Variants in DENND4C observed in about 807,000 individuals in gnomAD.
The protein encoded by DENND4C is DENN domain containing 4C.
A neutral mutation model predicts 203.0 loss-of-function variants in DENND4C; 108 were observed. The observed-to-expected ratio is 0.53, with a 90% CI of 0.46 to 0.62. DENND4C has a LOEUF of 0.62. Among genes scored for constraint, DENND4C ranks in the 20% least tolerant of loss-of-function variants. The pLI, the probability that DENND4C is intolerant of heterozygous loss-of-function variation, is 0.00. For missense variants in DENND4C, 2,481 were observed against 2,301.2 expected, an observed-to-expected ratio of 1.08 and a Z score of -1.60; for synonymous variants, 871 against 792.4, an observed-to-expected ratio of 1.10 and a Z score of -1.67.
At chr9:19,287,677 A>T (rs1835464107) in intron 3 of DENND4C, among the ~76,000 whole-genome samples, 1 of 151,538 alleles carries the variant, frequency 6.6e-6, no homozygotes, top group South Asian at 2.1e-4. Context: ...GGTCTCCTTA[A>T]GTTGCCCAGG....
rs1019634963 is a variant in DENND4C, at chr9:19,360,501, A to G, written c.5406+12A>G. 3 of 1,613,926 alleles carry G rather than the reference A, an allele frequency of 1.9e-6. No homozygotes were observed. The highest frequency in any genetic ancestry group is 1.3e-5 in the African/African-American group (1 of 75,028). Reference sequence around the variant, plus strand: ...ATGAAGGTGTACAGGTAGGGTGCCAACTTTTATACTTACATTAGTATTCAG... The same window carrying G: ...ATGAAGGTGTACAGGTAGGGTGCCAGCTTTTATACTTACATTAGTATTCAG... On this transcript the variant is annotated intron_variant, in intron 29 of 32. Transcript: ENST00000434457.
chr9:19,285,228 C>A (rs958148466), intron 2 of DENND4C, among the ~76,000 whole-genome samples: 2 of 152,066 alleles, frequency 1.3e-5, no homozygotes, highest in African/African-American at 4.8e-5. Context: ...CACTTCCTTG[C>A]TAATACTCTC....
rs141095121 is a variant in DENND4C at position 19,243,491 on chromosome 9, C to T, written c.-18+12658C>T. Among the ~76,000 whole-genome samples the T allele has an allele frequency of 1.5e-3, 221 of 152,234 alleles. 3 individuals are homozygous for T. The highest frequency in any genetic ancestry group is 6.8e-3 in the Middle Eastern group (2 of 294). ...ACGTTTTCATCATCCTAAAAGGAAACGCTGTACCCGTTAAGCAGTCTCTCC... is the reference window on the plus strand; with the variant it reads ...ACGTTTTCATCATCCTAAAAGGAAATGCTGTACCCGTTAAGCAGTCTCTCC... On this transcript the variant is annotated intron_variant, in intron 1 of 32. Transcript: ENST00000434457.
chr9:19,300,454 A>C (rs562595076), intron 9 of DENND4C, 123 bp downstream of exon 9: 1 of 958,500 alleles, frequency 1.0e-6, no homozygotes, highest in Admixed American at 3.5e-5. Context: ...AACTTTGAAA[A>C]ATTTCCAGCC....
At chr9:19,268,073 G>A (rs1321801890) in intron 1 of DENND4C, among the ~76,000 whole-genome samples, 1 of 150,064 alleles carries the variant, frequency 6.7e-6, no homozygotes, top group African/African-American at 2.4e-5. Flanking sequence ...TGCCTTTTAT[G>A]TTTTGTGTAT....
chr9:19,309,836 G>A (rs1249797921), intron 10 of DENND4C, among the ~76,000 whole-genome samples: 2 of 151,650 alleles, frequency 1.3e-5, no homozygotes, highest in African/African-American at 2.4e-5. Context: ...TACCTGAAGT[G>A]GTTAATATAT....
intron 30 of DENND4C, among the ~76,000 whole-genome samples, chr9:19,365,455 T>G (rs1827439751): frequency 6.6e-6 from 1 of 152,164 alleles, no homozygotes; most frequent in Admixed American, 6.5e-5. Flanking sequence ...CTTAACATAC[T>G]TTCTCACTAA....
chr9:19,348,337 G>C (rs1439413070), intron 23 of DENND4C, among the ~76,000 whole-genome samples: 2 of 152,130 alleles, frequency 1.3e-5, no homozygotes, highest in Non-Finnish European at 2.9e-5. Flanking sequence ...CGATATCTCA[G>C]GAGAAGATAC....
intron 30 of DENND4C, among the ~76,000 whole-genome samples, chr9:19,368,257 A>ATTT (rs145197314): frequency 9.0e-6 from 1 of 110,796 alleles, no homozygotes; most frequent in Non-Finnish European, 1.9e-5. Context: ...GGACTTTGCT[A>ATTT]TTTTTTTTTT....
chr9:19,266,568 T>C (rs1451787217), intron 1 of DENND4C, among the ~76,000 whole-genome samples: 5 of 152,164 alleles, frequency 3.3e-5, no homozygotes, highest in African/African-American at 9.7e-5. Context: ...GCTACGTGAC[T>C]TCAAACTATA....
intron 12 of DENND4C, among the ~76,000 whole-genome samples, chr9:19,318,916 C>A (rs571553196): frequency 1.3e-5 from 2 of 152,196 alleles, no homozygotes; most frequent in East Asian, 3.9e-4. Context: ...TGCCTGTAAT[C>A]CCAGCACTTT....
chr9:19,306,845 A>C (rs943016906), intron 10 of DENND4C, among the ~76,000 whole-genome samples: 1 of 151,642 alleles, frequency 6.6e-6, no homozygotes, highest in Non-Finnish European at 1.5e-5. Flanking sequence ...CAGTGGTGCA[A>C]TCCTGACTCT....
intron 20 of DENND4C, among the ~76,000 whole-genome samples, chr9:19,337,033 C>G (rs545451766): frequency 6.6e-6 from 1 of 152,168 alleles, no homozygotes; most frequent in Admixed American, 6.5e-5. Flanking sequence ...GTGCTGTGCA[C>G]AGTGCTCTAG....
intron 5 of DENND4C, chr9:19,292,537 C>G (rs1836562832): frequency 6.7e-6 from 1 of 149,574 alleles, no homozygotes; most frequent in South Asian, 2.1e-4. Flanking sequence ...AAATTGAAAA[C>G]TTTCTTTTCT....
At position 19,246,453 on chromosome 9, in the gene DENND4C, A is replaced by G. The variant is rs544126004; in HGVS notation, c.-18+15620A>G. 4.6e-5 allele frequency among the ~76,000 whole-genome samples: 7 copies of G among 152,318 alleles called. No individual in the cohort carries two copies. In the East Asian group the frequency reaches 9.6e-4, roughly 21 times the overall value. Reference sequence around the variant, plus strand: ...TTAGAAAATTATTATTATTTTTTATAATAGAGATGAGGTCTCGCTATGTCA... The same window carrying G: ...TTAGAAAATTATTATTATTTTTTATGATAGAGATGAGGTCTCGCTATGTCA... On this transcript the variant is annotated intron_variant, in intron 1 of 32. Coordinates refer to ENST00000434457, the MANE Select transcript of DENND4C (RefSeq NM_001330640.2).
Position 19,276,251 on chromosome 9 carries a change from A to T in DENND4C, c.77A>T (p.Asp26Val). 2 of 1,232,084 alleles carry T rather than the reference A, an allele frequency of 1.6e-6. No homozygotes were observed. Among genetic ancestry groups the T allele is most frequent in the Non-Finnish European group, 2.0e-6 (2 of 987,912 alleles). The allele number at this position is 1,232,084 out of a possible 1,614,324, so 76.3% of individuals were successfully genotyped here. The change falls in exon 2 of 33, where the codon GAT becomes GTT. Residue 26 changes from aspartate to valine, a missense_variant. Physicochemically the swap from Asp to Val is radical, Grantham distance 152. This residue lies in a region of DENND4C where 187 missense variants were observed against 167.4 expected (regional missense o/e 1.12). Coordinates refer to ENST00000434457, the MANE Select transcript of DENND4C (RefSeq NM_001330640.2). ...CTCACTGACACATCTACTCTTTTGG[A>T]TCAAGAAATAAATCGTTTAGATACT... ...AGLTDTSTLL[D>V]QEINRLDTKS...
intron 1 of DENND4C, among the ~76,000 whole-genome samples, chr9:19,244,048 T>G (rs1041803411): frequency 6.6e-6 from 1 of 152,098 alleles, no homozygotes; most frequent in Non-Finnish European, 1.5e-5. Context: ...CTTCTTTTTT[T>G]GAGATGGAGT....
At chr9:19,272,133 G>T (rs1324287048) in intron 1 of DENND4C, among the ~76,000 whole-genome samples, 1 of 151,516 alleles carries the variant, frequency 6.6e-6, no homozygotes, top group East Asian at 2.0e-4. Context: ...ATAAAAGAGA[G>T]ACTGGCCCAG....
At chr9:19,252,404 C>A (rs1826854611) in intron 1 of DENND4C, among the ~76,000 whole-genome samples, 1 of 151,972 alleles carries the variant, frequency 6.6e-6, no homozygotes, top group Admixed American at 6.6e-5. Context: ...CACAGCCAAA[C>A]CGTATCATCT....
Sources: allele counts gnomAD v4.1 joint callset (sites outside exome capture counted in the v4.1 genomes callset), GRCh38; gene constraint gnomAD v4.1.1; regional missense constraint gnomAD v4.1.1; transcripts MANE v1.5; gene names NCBI Gene and HGNC (gene_info 2026-07-23, HGNC 2026-07-21).